GRTP1: variants seen among roughly 807,000 people sequenced by gnomAD.
GRTP1 encodes the protein growth hormone-regulated TBC protein 1.
Under a neutral mutation model 38.1 loss-of-function variants are expected in GRTP1, and 56 were observed. The observed-to-expected ratio is 1.47, with a 90% CI of 1.19 to 1.84. The LOEUF (loss-of-function observed/expected upper bound fraction) is 1.84, where lower values mean the gene tolerates loss of function less well. GRTP1 is among the 40% of genes most tolerant of loss of function. GRTP1 has a pLI of 0.00. For missense variants in GRTP1, 506 were observed against 453.9 expected (o/e 1.11, Z -1.04); for synonymous variants, 217 against 189.5 (o/e 1.14, Z -1.19).
chr13:113,325,308 G>C (rs367650913), intron 7 of GRTP1: 28 of 1,343,094 alleles, frequency 2.1e-5, no homozygotes, highest in Non-Finnish European at 1.8e-5. Flanking sequence ...CTCCCACAAC[G>C]CCCTCATCAG....
chr13:113,363,841 G>A lies in GRTP1; in HGVS notation c.102C>T (p.Ser34=). ...CCCTGCGGGTGAGCGTGACCAGGTA[G>A]CTGGAGAAAAACTTCTCGTAGGCGG... ...DDAAYEKFFS[S]YLVTLTRRAI... Residue 34 remains serine, a synonymous_variant, in exon 2 of 8, where the codon AGC becomes AGT. Coordinates refer to ENST00000375431, the MANE Select transcript of GRTP1 (RefSeq NM_024719.4). 1.9e-6 allele frequency: 3 copies of A among 1,612,062 alleles called. No individual in the cohort carries two copies. The highest frequency in any genetic ancestry group is 2.5e-6 in the Non-Finnish European group (3 of 1,179,602).
chr13:113,355,274 C>A, intron 3 of GRTP1, 49 bp downstream of exon 3: 1 of 1,593,336 alleles, frequency 6.3e-7, no homozygotes, highest in South Asian at 1.1e-5. Flanking sequence ...GAAACCGGTT[C>A]CTTCCGGCCC....
chr13:113,344,458 A>G (rs2043069342), intron 5 of GRTP1, among the ~76,000 whole-genome samples: 1 of 152,212 alleles, frequency 6.6e-6, no homozygotes, highest in African/African-American at 2.4e-5. Context: ...TCATGCCTGT[A>G]ATCCCAGCAC....
chr13:113,327,032 G>A (rs1260387257), intron 5 of GRTP1, among the ~76,000 whole-genome samples: 2 of 152,202 alleles, frequency 1.3e-5, no homozygotes, highest in Non-Finnish European at 2.9e-5. Flanking sequence ...TACATTCTAT[G>A]TTCTGTGTAT....
In GRTP1 at chr13:113,324,411, G is replaced by T; in HGVS notation, c.*77C>A. The T allele has an allele frequency of 1.4e-6, 2 of 1,436,916 alleles. No individual in the cohort carries two copies. The highest frequency in any genetic ancestry group is 9.2e-7 in the Non-Finnish European group (1 of 1,090,242). 89.0% of individuals were successfully genotyped at this position (1,436,916 alleles called of 1,614,324 possible). A position where few individuals can be genotyped will look rare whatever the true frequency, so the allele number is the denominator to read the frequency against. ...ATTTACAACACTAAAAAGGAAAGCA[G>T]TGAAAGTTGGTCCAGTGTCAACTCT... On this transcript the variant is annotated 3_prime_UTR_variant, in exon 8 of 8. Coordinates refer to ENST00000375431, the MANE Select transcript of GRTP1 (RefSeq NM_024719.4).
intron 5 of GRTP1, among the ~76,000 whole-genome samples, chr13:113,331,172 G>A (rs1468149590): frequency 6.6e-6 from 1 of 152,142 alleles, no homozygotes; most frequent in Non-Finnish European, 1.5e-5. Context: ...ATGGAAACCG[G>A]TCGCAGCTCT....
At chr13:113,346,264 CCGGGAGGACCTCTGTGGCTGAGCGGAT>C (rs1172855442) in intron 4 of GRTP1, among the ~76,000 whole-genome samples, 14 of 96,768 alleles carry the variant, frequency 1.4e-4, no homozygotes, top group African/African-American at 3.6e-4. Flanking sequence ...GAGAGCAGAT[CCGGGAGGACCTCTGTGGCTGAGCGGAT>C]CTGGGAGGAC....
chr13:113,334,403 A>G (rs1388046750), intron 5 of GRTP1, among the ~76,000 whole-genome samples: 1 of 152,234 alleles, frequency 6.6e-6, no homozygotes, highest in Non-Finnish European at 1.5e-5. Flanking sequence ...CGAGAAAAAC[A>G]GAAAATAAGA....
In GRTP1 at chr13:113,348,444, G is replaced by C. The variant is rs145134890; in HGVS notation, c.465+2405C>G. 6.6e-6 allele frequency among the ~76,000 whole-genome samples: 1 copy of C among 152,116 alleles called. No individual in the cohort carries two copies. Among genetic ancestry groups the C allele is most frequent in the Non-Finnish European group, 1.5e-5 (1 of 68,016 alleles). ...CCAGCCTGGGTGACAGAGCGAGACCGTGTGCACTGTGTAACTCTACACATA... is the reference window on the plus strand; with the variant it reads ...CCAGCCTGGGTGACAGAGCGAGACCCTGTGCACTGTGTAACTCTACACATA... On this transcript the variant is annotated intron_variant, in intron 4 of 7. Coordinates refer to ENST00000375431, the MANE Select transcript of GRTP1 (RefSeq NM_024719.4). The surrounding 1 kb of genome is among the most constrained non-coding windows in gnomAD (Gnocchi z 4.8).
At chr13:113,340,025 T>G (rs2043004783) in intron 5 of GRTP1, 2 of 152,064 alleles carry the variant, frequency 1.3e-5, no homozygotes, top group African/African-American at 2.4e-5. Context: ...TAATCAGTTA[T>G]TTAGACAGGG....
At chr13:113,361,161 C>A (rs1484006697) in intron 2 of GRTP1, among the ~76,000 whole-genome samples, 7 of 106,610 alleles carry the variant, frequency 6.6e-5, no homozygotes, top group Admixed American at 2.0e-4. Flanking sequence ...GTTGTTACTT[C>A]AATAAAAACA....
At chr13:113,360,468 C>G (rs2043474469) in intron 2 of GRTP1, among the ~76,000 whole-genome samples, 2 of 152,190 alleles carry the variant, frequency 1.3e-5, no homozygotes, top group Admixed American at 1.3e-4. Context: ...AACTCTATCA[C>G]TGTCAGCCTG....
At position 113,363,928 on chromosome 13, in the gene GRTP1, G is replaced by A; in HGVS notation, c.33-18C>T. The A allele has an allele frequency of 6.2e-7, 1 of 1,606,546 alleles. No homozygotes were observed. The highest frequency in any genetic ancestry group is 8.5e-7 in the Non-Finnish European group (1 of 1,176,682). On this transcript the variant is annotated intron_variant, in intron 1 of 7. Transcript: ENST00000375431. Reference sequence around the variant, plus strand: ...GGTCGATCCTGCAAAACCGAGAGAAGGAGGCCGGCGTCCCCGAAGTTTCCT... The same window carrying A: ...GGTCGATCCTGCAAAACCGAGAGAAAGAGGCCGGCGTCCCCGAAGTTTCCT...
intron 4 of GRTP1, 47 bp from the exon 5 acceptor site, chr13:113,345,006 C>T: frequency 6.4e-7 from 1 of 1,564,178 alleles, no homozygotes; most frequent in Non-Finnish European, 8.6e-7. Flanking sequence ...GTTTTAAGCC[C>T]CCATTTGATT....
chr13:113,335,851 G>C (rs550302958), intron 5 of GRTP1, among the ~76,000 whole-genome samples: 2 of 151,874 alleles, frequency 1.3e-5, no homozygotes, highest in Non-Finnish European at 2.9e-5. Context: ...GGAGCGTAGT[G>C]GTACAAACTC....
Position 113,325,981 on chromosome 13 carries a change from G to A in GRTP1, c.673C>T (p.Leu225=). The change falls in exon 6 of 8, where the codon CTG becomes TTG. Residue 225 remains leucine (L), a synonymous_variant. Coordinates refer to ENST00000375431, the MANE Select transcript of GRTP1 (RefSeq NM_024719.4). ...VGALMERLGV[L]WTLLVSRWFI... ...CAGCGGGACACCAGCAGCGTCCACA[G>A]CACACCGAGACGCTCCATCAGGGCC... 1 of 1,613,916 alleles carries A rather than the reference G, an allele frequency of 6.2e-7. No individual in the cohort carries two copies. The highest frequency in any genetic ancestry group is 8.5e-7 in the Non-Finnish European group (1 of 1,179,964).
At chr13:113,346,496 G>GCA (rs1566430333) in intron 4 of GRTP1, among the ~76,000 whole-genome samples, 61 of 5,150 alleles carry the variant, frequency 0.012, 4 homozygotes, top group African/African-American at 0.013. Context: ...GCCTGACAGT[G>GCA]GACCCGGGAG....
At chr13:113,355,270 G>T (rs2043361872) in intron 3 of GRTP1, 53 bp downstream of exon 3, 2 of 1,587,320 alleles carry the variant, frequency 1.3e-6, no homozygotes, top group Admixed American at 1.7e-5. Flanking sequence ...GGTGGAAACC[G>T]GTTCCTTCCG....
intron 5 of GRTP1, among the ~76,000 whole-genome samples, chr13:113,332,310 C>T (rs566971360): frequency 2.4e-5 from 1 of 40,922 alleles, no homozygotes; most frequent in Non-Finnish European, 7.8e-5. Flanking sequence ...TGCACACGCA[C>T]GCCACACACA....
Sources: allele counts gnomAD v4.1 joint callset (sites outside exome capture counted in the v4.1 genomes callset), GRCh38; gene constraint gnomAD v4.1.1; non-coding constraint Gnocchi (gnomAD v3.1); transcripts MANE v1.5; gene names NCBI Gene and HGNC (gene_info 2026-07-23, HGNC 2026-07-21).